PDZD8: variants seen among roughly 807,000 people sequenced by gnomAD.
The protein encoded by PDZD8 is PDZ domain containing 8.
A neutral mutation model predicts 85.8 loss-of-function variants in PDZD8; 14 were observed. The ratio of observed to expected loss-of-function variants is 0.16; its 90% CI spans 0.11 to 0.26. The LOEUF (loss-of-function observed/expected upper bound fraction) is 0.26, where lower values mean the gene tolerates loss of function less well. Ranked by LOEUF, PDZD8 falls within the 10% of genes least tolerant of loss-of-function variation. The pLI is 1.00. For missense variants in PDZD8, 1,197 were observed against 1,424.3 expected (o/e 0.84, Z 2.57); for synonymous variants, 592 against 568.6 (o/e 1.04, Z -0.59).
chr10:117,294,605 A>C (rs1383228776), intron 3 of PDZD8, among the ~76,000 whole-genome samples: 1 of 152,232 alleles, frequency 6.6e-6, no homozygotes, highest in Non-Finnish European at 1.5e-5. Context: ...AATCAACCTA[A>C]GAGTCCATCA....
At chr10:117,333,133 A>AAAAAAAAC (rs1844457762) in intron 2 of PDZD8, among the ~76,000 whole-genome samples, 1 of 149,368 alleles carries the variant, frequency 6.7e-6, no homozygotes, top group Non-Finnish European at 1.5e-5. Context: ...AAAAAAAAAA[A>AAAAAAAAC]AAAAAAAAAA....
At chr10:117,315,599 A>AC (rs1029736775) in intron 3 of PDZD8, among the ~76,000 whole-genome samples, 2 of 143,524 alleles carry the variant, frequency 1.4e-5, no homozygotes, top group African/African-American at 5.3e-5. Context: ...AAAAAAAAAA[A>AC]AAAAAAAAAA....
At position 117,374,989 on chromosome 10, in the gene PDZD8, G is replaced by A. The variant is rs750341511; in HGVS notation, c.239C>T (p.Pro80Leu). The A allele has an allele frequency of 6.3e-7, 1 of 1,594,330 alleles. No individual in the cohort carries two copies. The change falls in exon 1 of 5, where the codon CCC becomes CTC. Residue 80 changes from proline to leucine, a missense_variant. Around this residue, in one of 4 missense-constraint regions of PDZD8, gnomAD observed 172 missense variants for 137.8 expected, o/e 1.25. Coordinates refer to ENST00000334464, the MANE Select transcript of PDZD8 (RefSeq NM_173791.5). This position sits in a 1 kb window ranked among gnomAD's most constrained non-coding sequence, Gnocchi z 7.8. The part of the protein sequence containing the change: ...SGAAPEGGAT[P>L]TAAPETPAPP... ...GGCGGGGGTCTCGGGGGCCGCGGTGGGGGTCGCGCCGCCCTCAGGGGCCGC... is the reference window on the plus strand; with the variant it reads ...GGCGGGGGTCTCGGGGGCCGCGGTGAGGGTCGCGCCGCCCTCAGGGGCCGC...
chr10:117,289,714 GA>G (rs1180098820), intron 4 of PDZD8, among the ~76,000 whole-genome samples: 1 of 152,182 alleles, frequency 6.6e-6, no homozygotes, highest in African/African-American at 2.4e-5. Context: ...AGGATCACAG[GA>G]CAGTTCAGAT....
rs766130636 is a variant in PDZD8 at position 117,280,396 on chromosome 10, G to T, written c.*2872C>A. The T allele has an allele frequency of 6.6e-6, 1 of 152,190 alleles. No homozygotes were observed. Among genetic ancestry groups the T allele is most frequent in the Non-Finnish European group, 1.5e-5 (1 of 68,028 alleles). The allele number at this position is 152,190 out of a possible 1,614,324, so 9.4% of individuals were successfully genotyped here. On this transcript the variant is annotated 3_prime_UTR_variant, in exon 5 of 5. Coordinates refer to ENST00000334464, the MANE Select transcript of PDZD8 (RefSeq NM_173791.5). ...ATTTTGTTTAGGAAAAGTGGACTTT[G>T]TTATGCTTTTCTGCATGGCCAAATT...
At chr10:117,307,190 C>G (rs1439819801) in intron 3 of PDZD8, among the ~76,000 whole-genome samples, 2 of 152,026 alleles carry the variant, frequency 1.3e-5, no homozygotes, top group Non-Finnish European at 2.9e-5. Context: ...TAACAGTGAT[C>G]TCTCTGGGTA....
chr10:117,368,234 A>G (rs1403432935), intron 1 of PDZD8, among the ~76,000 whole-genome samples: 2 of 152,220 alleles, frequency 1.3e-5, no homozygotes, highest in East Asian at 3.8e-4. Context: ...CTCTAAGACA[A>G]TGATCTTGCA....
chr10:117,311,508 T>C (rs1844036152), intron 3 of PDZD8, among the ~76,000 whole-genome samples: 2 of 152,106 alleles, frequency 1.3e-5, no homozygotes, highest in South Asian at 4.1e-4. Flanking sequence ...AAAACAATCA[T>C]GGTACCTGCT....
chr10:117,308,570 T>G (rs11594087), intron 3 of PDZD8, among the ~76,000 whole-genome samples: 30,970 of 152,056 alleles, frequency 0.2, 4,239 homozygotes, highest in Non-Finnish European at 0.31. Context: ...TTACCTCTAC[T>G]GTAGAGATTA....
chr10:117,307,216 A>G (rs1434399971), intron 3 of PDZD8, among the ~76,000 whole-genome samples: 1 of 150,720 alleles, frequency 6.6e-6, no homozygotes, highest in Non-Finnish European at 1.5e-5. Context: ...ATTATGGTTG[A>G]CTTTTGTAGT....
rs770395464 is a variant in PDZD8, at chr10:117,315,609, A to AAAAC, written c.1098+3259_1098+3262dup. On this transcript the variant is annotated intron_variant, in intron 3 of 4. Transcript: ENST00000334464. Reference sequence around the variant, plus strand: ...TCTCAAAAAAAAAAAAAAAAAAAAAAAAACAATAATCTATTTTGTGTCTGG... The same window carrying AAAAC: ...TCTCAAAAAAAAAAAAAAAAAAAAAAAAACAAACAATAATCTATTTTGTGTCTGG... Among the ~76,000 whole-genome samples, 452 of 147,078 alleles carry AAAAC rather than the reference A, an allele frequency of 3.1e-3. 2 individuals are homozygous for AAAAC. The highest frequency in any genetic ancestry group is 7.0e-3 in the Middle Eastern group (2 of 286).
At chr10:117,300,972 GGCA>G (rs1352153601) in intron 3 of PDZD8, among the ~76,000 whole-genome samples, 2 of 152,124 alleles carry the variant, frequency 1.3e-5, no homozygotes, top group Non-Finnish European at 1.5e-5. Context: ...AATGGACTAA[GGCA>G]GCAACTAAAA....
At chr10:117,307,190 CT>C (rs1400840103) in intron 3 of PDZD8, among the ~76,000 whole-genome samples, 1 of 152,026 alleles carries the variant, frequency 6.6e-6, no homozygotes, top group African/African-American at 2.4e-5. Flanking sequence ...TAACAGTGAT[CT>C]CTCTGGGTAG....
intron 3 of PDZD8, among the ~76,000 whole-genome samples, chr10:117,312,175 C>G (rs559483938): frequency 3.3e-5 from 5 of 151,878 alleles, no homozygotes; most frequent in Non-Finnish European, 5.9e-5. Context: ...AATGGGTTAA[C>G]CAAGGTTTGT....
intron 1 of PDZD8, among the ~76,000 whole-genome samples, chr10:117,352,621 G>A (rs191672634): frequency 5.9e-5 from 9 of 152,250 alleles, no homozygotes; most frequent in Non-Finnish European, 2.9e-5. Flanking sequence ...AAAGGGAGGA[G>A]GGGAATAATC....
chr10:117,298,358 CTT>C (rs1359620618), intron 3 of PDZD8, among the ~76,000 whole-genome samples: 2 of 152,108 alleles, frequency 1.3e-5, no homozygotes, highest in Non-Finnish European at 2.9e-5. Flanking sequence ...CTTTTAAACT[CTT>C]TGTTTTTAGT....
chr10:117,289,227 T>C (rs1007605370), intron 4 of PDZD8, among the ~76,000 whole-genome samples: 28 of 152,342 alleles, frequency 1.8e-4, no homozygotes, highest in African/African-American at 6.5e-4. Flanking sequence ...TGTGAAAATA[T>C]TGACTTAATT....
chr10:117,370,918 TTGTGTG>T (rs71475194), intron 1 of PDZD8, among the ~76,000 whole-genome samples: 399 of 146,388 alleles, frequency 2.7e-3, no homozygotes, highest in African/African-American at 5.1e-3. Flanking sequence ...ACAACATAGT[TTGTGTG>T]TGTGTGTGTG....
At chr10:117,330,974 T>C (rs1844411936) in intron 2 of PDZD8, among the ~76,000 whole-genome samples, 1 of 152,234 alleles carries the variant, frequency 6.6e-6, no homozygotes, top group Admixed American at 6.5e-5. Context: ...TTTTCCATGG[T>C]AGTGTCAATT....
Sources: allele counts gnomAD v4.1 joint callset (sites outside exome capture counted in the v4.1 genomes callset), GRCh38; gene constraint gnomAD v4.1.1; regional missense constraint gnomAD v4.1.1; non-coding constraint Gnocchi (gnomAD v3.1); transcripts MANE v1.5; gene names NCBI Gene and HGNC (gene_info 2026-07-23, HGNC 2026-07-21).